NTM: variants seen among roughly 807,000 people sequenced by gnomAD.
NTM encodes the protein neurotrimin, also known as IgLON family member 2.
In NTM, 13 loss-of-function variants were observed where a neutral mutation model predicts 42.1. The ratio of observed to expected loss-of-function variants is 0.31; its 90% CI spans 0.20 to 0.49. The LOEUF is 0.49. NTM is among the 20% of genes least tolerant of loss of function. NTM has a pLI of 0.99. For synonymous variants in NTM, 187 were observed against 179.2 expected (o/e 1.04, Z -0.35); for missense variants, 373 against 452.8 (o/e 0.82, Z 1.60).
chr11:132,051,662 G>T (rs772427519), intron 2 of NTM, among the ~76,000 whole-genome samples: 2 of 152,170 alleles, frequency 1.3e-5, no homozygotes, highest in Non-Finnish European at 2.9e-5. Flanking sequence ...GATGCCAAGA[G>T]CCCCCTCCTC....
At chr11:132,095,827 C>A (rs2060908266) in intron 2 of NTM, among the ~76,000 whole-genome samples, 1 of 152,212 alleles carries the variant, frequency 6.6e-6, no homozygotes, top group African/African-American at 2.4e-5. Flanking sequence ...CTGCCCAGAG[C>A]AGATTTGGCT....
At chr11:132,034,558 G>C (rs1279643167) in intron 2 of NTM, among the ~76,000 whole-genome samples, 1 of 152,204 alleles carries the variant, frequency 6.6e-6, no homozygotes, top group Non-Finnish European at 1.5e-5. Flanking sequence ...TGAAATCCCA[G>C]AGGGCATTTG....
intron 2 of NTM, among the ~76,000 whole-genome samples, chr11:132,054,895 C>T (rs891770933): frequency 1.3e-5 from 2 of 152,148 alleles, no homozygotes; most frequent in East Asian, 3.9e-4. Context: ...TGATCAGACA[C>T]CCTTCCTGCC....
At chr11:132,274,712 C>T (rs949389806) in intron 4 of NTM, among the ~76,000 whole-genome samples, 2 of 152,072 alleles carry the variant, frequency 1.3e-5, no homozygotes, top group African/African-American at 4.8e-5. Flanking sequence ...GGAGGATAAA[C>T]CATAGCATTT....
intron 1 of NTM, among the ~76,000 whole-genome samples, chr11:131,723,717 T>A (rs572604844): frequency 1.3e-5 from 2 of 152,314 alleles, no homozygotes; most frequent in East Asian, 3.9e-4. Context: ...CTAGATAGTT[T>A]GCTTCTTGTG....
In NTM at chr11:131,680,180, C is replaced by G. The variant is rs77203749; in HGVS notation, c.83-231384C>G. 5.0e-3 allele frequency among the ~76,000 whole-genome samples: 761 copies of G among 152,272 alleles called. 8 individuals carry two copies. The highest frequency in any genetic ancestry group is 0.018 in the African/African-American group (733 of 41,548). ...TACGTCTCTGTGTTGGCCGTCACAG[C>G]ACCTTGCCCTCCCTCACCAAGGGCT... On this transcript the variant is annotated intron_variant, in intron 1 of 8. Transcript: ENST00000683400.
chr11:131,672,161 C>A (rs1341409382), intron 1 of NTM, among the ~76,000 whole-genome samples: 2 of 152,224 alleles, frequency 1.3e-5, no homozygotes, highest in Non-Finnish European at 2.9e-5. Context: ...GTGGGAGGAA[C>A]AAGCCTGCGT....
intron 7 of NTM, among the ~76,000 whole-genome samples, chr11:132,321,987 T>C (rs373737613): frequency 1.3e-5 from 2 of 151,328 alleles, no homozygotes; most frequent in East Asian, 1.9e-4. Context: ...CTGAGAGATT[T>C]TGTCACCACC....
intron 2 of NTM, among the ~76,000 whole-genome samples, chr11:132,041,883 T>C (rs1173848274): frequency 1.3e-5 from 2 of 152,212 alleles, no homozygotes; most frequent in Non-Finnish European, 2.9e-5. Flanking sequence ...AGAATACCTG[T>C]CATATTGAGA....
intron 2 of NTM, among the ~76,000 whole-genome samples, chr11:131,935,976 C>G (rs921349863): frequency 1.3e-5 from 2 of 151,554 alleles, no homozygotes; most frequent in African/African-American, 4.9e-5. Context: ...ATTGCAATAA[C>G]TAAGAGTGAT....
intron 1 of NTM, among the ~76,000 whole-genome samples, chr11:131,683,921 T>C (rs2073412302): frequency 6.6e-6 from 1 of 152,160 alleles, no homozygotes; most frequent in African/African-American, 2.4e-5. Flanking sequence ...GGGTGGGATG[T>C]ACTTGCACTT....
At position 131,387,808 on chromosome 11, in the gene NTM, T is replaced by TA. The variant is rs898284280; in HGVS notation, c.82+16929dup. Among the ~76,000 whole-genome samples, 150 of 150,666 alleles carry TA rather than the reference T, an allele frequency of 1.0e-3. 3 individuals are homozygous for TA. Among genetic ancestry groups the TA allele is most frequent in the Non-Finnish European group, 2.7e-4 (18 of 67,536 alleles). On this transcript the variant is annotated intron_variant, in intron 1 of 8. Coordinates refer to ENST00000683400, the MANE Select transcript of NTM (RefSeq NM_001352005.2). ...ATACATCTGAAACCCACTCCCCCCT[T>TA]AAAAAAAAAGGAGAACAAAAGTTTG...
At chr11:131,677,726 G>C (rs931628302) in intron 1 of NTM, among the ~76,000 whole-genome samples, 1 of 152,212 alleles carries the variant, frequency 6.6e-6, no homozygotes, top group Non-Finnish European at 1.5e-5. Context: ...TGCAGAGATA[G>C]AGTTTCAGAG....
At chr11:131,440,500 G>T (rs1055555162) in intron 1 of NTM, among the ~76,000 whole-genome samples, 1 of 152,032 alleles carries the variant, frequency 6.6e-6, no homozygotes, top group Non-Finnish European at 1.5e-5. Context: ...CTCAAACTTA[G>T]ACATGCATCA....
At chr11:131,831,530 G>A (rs2042818565) in intron 1 of NTM, among the ~76,000 whole-genome samples, 1 of 152,094 alleles carries the variant, frequency 6.6e-6, no homozygotes, top group Non-Finnish European at 1.5e-5. Context: ...GCCTGAGTCT[G>A]GTGACTTCCC....
At chr11:131,521,034 A>G (rs2049582575) in intron 1 of NTM, among the ~76,000 whole-genome samples, 1 of 152,086 alleles carries the variant, frequency 6.6e-6, no homozygotes, top group African/African-American at 2.4e-5. Flanking sequence ...AGAAAGAAGC[A>G]AGGTGCTTGG....
rs550233172 is a variant in NTM at position 131,641,836 on chromosome 11, C to T, written c.83-269728C>T. Among the ~76,000 whole-genome samples the T allele has an allele frequency of 8.6e-5, 13 of 151,570 alleles. No homozygotes were observed. The East Asian group carries it at 2.1e-3, about 25-fold the overall frequency. On this transcript the variant is annotated intron_variant, in intron 1 of 8. Coordinates refer to ENST00000683400, the MANE Select transcript of NTM (RefSeq NM_001352005.2). The stretch of plus-strand genomic sequence containing the variant: ...CCAACTCCCGGGTTCAAGTGATTCT[C>T]CTGCTTCAGCCTCCCCAGTAGCTGG...
At chr11:132,308,651 C>T (rs975758712) in intron 5 of NTM, among the ~76,000 whole-genome samples, 3 of 151,470 alleles carry the variant, frequency 2.0e-5, no homozygotes, top group African/African-American at 4.9e-5. Flanking sequence ...ACTTGGGTGG[C>T]GTGGAGTTAG....
At chr11:131,452,806 G>C (rs1950582361) in intron 1 of NTM, among the ~76,000 whole-genome samples, 1 of 152,160 alleles carries the variant, frequency 6.6e-6, no homozygotes, top group African/African-American at 2.4e-5. Flanking sequence ...ACAGGTGCTG[G>C]TACTGCCTTT....
Sources: gnomAD v4.1 joint callset for allele counts (sites outside exome capture counted in the v4.1 genomes callset) on GRCh38, gnomAD v4.1.1 for gene constraint, MANE v1.5 for transcripts, NCBI Gene and HGNC (gene_info 2026-07-23, HGNC 2026-07-21) for gene names.